Variants in TRIM49C observed in about 807,000 individuals in gnomAD.
The protein encoded by TRIM49C is tripartite motif containing 49C.
In TRIM49C, 6 loss-of-function variants were observed where a neutral mutation model predicts 21.4. The ratio of observed to expected loss-of-function variants is 0.28; its 90% CI spans 0.15 to 0.55. The LOEUF (loss-of-function observed/expected upper bound fraction) is 0.55, where lower values mean the gene tolerates loss of function less well. Among genes scored for constraint, TRIM49C ranks in the 20% least tolerant of loss-of-function variants. The pLI is 0.94. For synonymous variants in TRIM49C, 57 were observed against 148.1 expected, an observed-to-expected ratio of 0.38 and a Z score of 4.47; for missense variants, 161 against 442.4, an observed-to-expected ratio of 0.36 and a Z score of 5.71.
At chr11:90,070,050 T>C in the TRIM49C span, among the ~76,000 whole-genome samples, 2 of 124,046 alleles carry the variant, frequency 1.6e-5, no homozygotes, top group African/African-American at 6.5e-5. Context: ...TCAGAAGATC[T>C]GGGGGAACTG....
At chr11:90,043,555 G>C (rs1326201971), downstream of TRIM49C, among the ~76,000 whole-genome samples, 2 of 120,432 alleles carry the variant, frequency 1.7e-5, no homozygotes, top group Non-Finnish European at 3.4e-5. Flanking sequence ...TGTTTGCTTA[G>C]ACCAGACAAA....
downstream of TRIM49C, among the ~76,000 whole-genome samples, chr11:90,046,725 G>C (rs562430457): frequency 5.6e-3 from 700 of 124,442 alleles, 117 homozygotes; most frequent in African/African-American, 0.022. Flanking sequence ...CCAGCTCCTG[G>C]ATTCACTGAT....
intron 6 of TRIM49C, 131 bp from the exon 7 acceptor site, chr11:90,039,734 G>C (rs1344877019): frequency 1.4e-6 from 1 of 724,764 alleles, no homozygotes; most frequent in Non-Finnish European, 2.1e-6. Context: ...ATTTGCAAAA[G>C]GAAGGATTAA....
chr11:90,059,833 C>T, the TRIM49C span, among the ~76,000 whole-genome samples: 72 of 146,412 alleles, frequency 4.9e-4, no homozygotes, highest in African/African-American at 1.8e-3. Context: ...GGAGGAGGCC[C>T]GGGTCATTGA....
the TRIM49C span, among the ~76,000 whole-genome samples, chr11:90,054,116 TCTC>T: frequency 5.9e-5 from 8 of 136,130 alleles, no homozygotes; most frequent in South Asian, 9.9e-4. Flanking sequence ...TTATTTATTC[TCTC>T]CTCTATCTCA....
the TRIM49C span, among the ~76,000 whole-genome samples, chr11:90,062,440 A>C: frequency 7.2e-6 from 1 of 138,632 alleles, no homozygotes. Flanking sequence ...ATTAGCCAGC[A>C]ACATTGAAAG....
the TRIM49C span, among the ~76,000 whole-genome samples, chr11:90,068,692 T>C: frequency 7.5e-6 from 1 of 132,690 alleles, no homozygotes; most frequent in Non-Finnish European, 1.6e-5. Context: ...CAAGTCAAAA[T>C]ACAACATTGA....
chr11:90,061,610 G>GT, the TRIM49C span, among the ~76,000 whole-genome samples: 31 of 93,788 alleles, frequency 3.3e-4, 3 homozygotes, highest in South Asian at 3.5e-3. Context: ...ATATTATGCA[G>GT]TTTTTTTTTA....
At chr11:90,056,280 G>A in the TRIM49C span, among the ~76,000 whole-genome samples, 1 of 135,990 alleles carries the variant, frequency 7.4e-6, no homozygotes, top group African/African-American at 2.6e-5. Flanking sequence ...CTTATTTAAA[G>A]TGTAAACTAA....
chr11:90,033,687 T>G lies in TRIM49C; in HGVS notation c.-5+1105T>G, dbSNP rs192172523. ...GGCTGGGCACTGTGGCGCGTGCCTA[T>G]AATCCCAGCACTTTGCAAAGCCAAG... On this transcript the variant is annotated intron_variant, in intron 2 of 7. Coordinates refer to ENST00000448984, the MANE Select transcript of TRIM49C (RefSeq NM_001195234.1). Among the ~76,000 whole-genome samples the G allele has an allele frequency of 1.5e-3, 203 of 134,098 alleles. 16 individuals are homozygous for G. The highest frequency in any genetic ancestry group is 7.7e-3 in the South Asian group (30 of 3,906). The allele number at this position is 134,098 out of a possible 152,430, so 88.0% of individuals were successfully genotyped here.
intron 5 of TRIM49C, among the ~76,000 whole-genome samples, 180 bp downstream of exon 5, chr11:90,038,159 AG>A (rs1272525930): frequency 8.0e-6 from 1 of 124,794 alleles, no homozygotes; most frequent in African/African-American, 3.2e-5. Flanking sequence ...ACCAGGGCAA[AG>A]GTCCCTCCTA....
intron 2 of TRIM49C, among the ~76,000 whole-genome samples, chr11:90,034,032 T>A (rs1271165539): frequency 7.8e-6 from 1 of 128,670 alleles, no homozygotes; most frequent in Non-Finnish European, 1.6e-5. Context: ...TGATTCTACA[T>A]GGGACAGAAT....
chr11:90,046,410 G>C (rs186200444), downstream of TRIM49C, among the ~76,000 whole-genome samples: 129 of 126,066 alleles, frequency 1.0e-3, 1 homozygote, highest in African/African-American at 3.8e-3. Context: ...ATCTGGACCC[G>C]GACTTTATTT....
intron 2 of TRIM49C, among the ~76,000 whole-genome samples, 156 bp downstream of exon 2, chr11:90,032,738 G>T (rs1950696323): frequency 8.2e-6 from 1 of 122,354 alleles, no homozygotes; most frequent in Non-Finnish European, 1.6e-5. Flanking sequence ...GATACTAATT[G>T]TTGTTATTTT....
At chr11:90,037,048 T>C (rs1301195648) in intron 4 of TRIM49C, among the ~76,000 whole-genome samples, 1 of 101,922 alleles carries the variant, frequency 9.8e-6, no homozygotes, top group African/African-American at 3.5e-5. Flanking sequence ...TATATGTATG[T>C]ATGTGTGTGT....
At chr11:90,038,443 A>T (rs1950742467) in intron 5 of TRIM49C, among the ~76,000 whole-genome samples, 1 of 122,898 alleles carries the variant, frequency 8.1e-6, no homozygotes, top group African/African-American at 2.8e-5. Flanking sequence ...CAGACCATAG[A>T]CCTTCTGGGC....
At chr11:90,052,194 G>A in the TRIM49C span, 1 of 339,470 alleles carries the variant, frequency 2.9e-6, no homozygotes, top group African/African-American at 2.3e-5. Context: ...CCTCACGGGA[G>A]CCCGCCGCCT....
chr11:90,070,847 C>G, the TRIM49C span, among the ~76,000 whole-genome samples: 3 of 141,298 alleles, frequency 2.1e-5, no homozygotes, highest in African/African-American at 7.6e-5. Flanking sequence ...AGGCTGAAGT[C>G]CAGTGGCCCA....
chr11:90,062,537 T>A, the TRIM49C span: 27 of 1,145,806 alleles, frequency 2.4e-5, 4 homozygotes, highest in Non-Finnish European at 3.1e-5. Context: ...CAGGCCCTCA[T>A]CATTCTTATT....
Sources: gnomAD v4.1 joint callset for allele counts (sites outside exome capture counted in the v4.1 genomes callset) on GRCh38, gnomAD v4.1.1 for gene constraint, MANE v1.5 for transcripts, NCBI Gene and HGNC (gene_info 2026-07-23, HGNC 2026-07-21) for gene names.